The following PKIG variants were observed in gnomAD, a reference collection of about 807,000 sequenced individuals.
PKIG encodes the protein protein kinase (cAMP-dependent, catalytic) inhibitor gamma.
PKIG carries 1 observed loss-of-function variant against 6.8 expected under a neutral mutation model. The ratio of observed to expected loss-of-function variants is 0.15; its 90% CI spans 0.05 to 0.69. PKIG has a LOEUF of 0.69. Among genes scored for constraint, PKIG ranks in the 30% least tolerant of loss-of-function variants. The pLI is 0.82. For synonymous variants in PKIG, 39 were observed against 43.0 expected (o/e 0.91, Z 0.36); for missense variants, 77 against 104.0 (o/e 0.74, Z 1.13).
Position 44,618,556 on chromosome 20 carries a change from A to G in PKIG, c.*192A>G. ...CCCTCTGCCCACACCCACAGGCTTC[A>G]CATTCCCACCACCTTCGCACCGTGC... is the stretch of plus-strand genomic sequence containing the variant. On this transcript the variant is annotated 3_prime_UTR_variant, in exon 4 of 4. Coordinates refer to ENST00000372886, the MANE Select transcript of PKIG (RefSeq NM_001281445.2). 1.8e-6 allele frequency: 1 copy of G among 558,216 alleles called. No homozygotes were observed. The highest frequency in any genetic ancestry group is 3.2e-6 in the Non-Finnish European group (1 of 309,446). The allele number at this position is 558,216 out of a possible 1,614,324, so 34.6% of individuals were successfully genotyped here.
intron 2 of PKIG, among the ~76,000 whole-genome samples, chr20:44,594,370 T>G (rs2065058385): frequency 6.6e-6 from 1 of 152,226 alleles, no homozygotes; most frequent in African/African-American, 2.4e-5. Context: ...TCAGGAATTT[T>G]GCCTCACAGA....
chr20:44,578,328 CAAA>C (rs3092061), upstream of PKIG, among the ~76,000 whole-genome samples: 4 of 87,248 alleles, frequency 4.6e-5, no homozygotes, highest in Non-Finnish European at 4.8e-5. Context: ...GACTCCATCT[CAAA>C]AAAAAAAAAA....
upstream of PKIG, chr20:44,582,543 A>T (rs1006682650): frequency 6.6e-6 from 1 of 152,382 alleles, no homozygotes. Context: ...GGCCCGAGAC[A>T]TGGGAAACAC....
At chr20:44,551,489 T>C (rs551733349) in intron 1 of PKIG, among the ~76,000 whole-genome samples, 1 of 152,314 alleles carries the variant, frequency 6.6e-6, no homozygotes, top group South Asian at 2.1e-4. Context: ...TACATGAGTA[T>C]CTTGATATTT....
At chr20:44,609,456 C>G (rs1470390170) in intron 2 of PKIG, among the ~76,000 whole-genome samples, 1 of 152,204 alleles carries the variant, frequency 6.6e-6, no homozygotes, top group Non-Finnish European at 1.5e-5. Flanking sequence ...TTCTCAACAG[C>G]CCCAAGAAGG....
In PKIG at chr20:44,561,675, A is replaced by T. The variant is rs534705658; in HGVS notation, c.-240-20910A>T. On this transcript the variant is annotated intron_variant, in intron 1 of 4. Coordinates refer to the PKIG transcript ENST00000372887. The stretch of plus-strand genomic sequence containing the variant: ...AGGCTGAAGTGCAGTGGCTATTCCC[A>T]GGTGAGATCATGGCACACTGTGGCC... Among the ~76,000 whole-genome samples the T allele has an allele frequency of 4.6e-5, 7 of 152,264 alleles. No homozygotes were observed. In the East Asian group the frequency reaches 1.3e-3, roughly 29 times the overall value.
intron 1 of PKIG, among the ~76,000 whole-genome samples, chr20:44,544,516 C>T (rs1258898826): frequency 1.3e-5 from 2 of 152,308 alleles, no homozygotes; most frequent in Middle Eastern, 6.8e-3. Flanking sequence ...TTTCACCATG[C>T]TTATCACACA....
At chr20:44,552,880 C>T (rs182218788) in intron 1 of PKIG, among the ~76,000 whole-genome samples, 4 of 152,084 alleles carry the variant, frequency 2.6e-5, no homozygotes, top group Admixed American at 2.0e-4. Context: ...GGGGCTTCTC[C>T]GAGAAGCAGG....
chr20:44,551,673 C>T (rs2064669923), intron 1 of PKIG, among the ~76,000 whole-genome samples: 1 of 152,182 alleles, frequency 6.6e-6, no homozygotes, highest in African/African-American at 2.4e-5. Context: ...AGAAAGTCCT[C>T]TAGCCAGCTG....
intron 2 of PKIG, among the ~76,000 whole-genome samples, chr20:44,610,802 T>C (rs1178805079): frequency 6.6e-6 from 1 of 152,188 alleles, no homozygotes; most frequent in Non-Finnish European, 1.5e-5. Context: ...GCAACCTCTG[T>C]TTTTCAGTTG....
At chr20:44,571,360 GGTT>G (rs2064852789) in intron 1 of PKIG, among the ~76,000 whole-genome samples, 1 of 151,952 alleles carries the variant, frequency 6.6e-6, no homozygotes, top group African/African-American at 2.4e-5. Context: ...AAAAAAGTGG[GGTT>G]GTTCAAAGAT....
intron 2 of PKIG, among the ~76,000 whole-genome samples, chr20:44,594,843 T>C (rs1329103179): frequency 3.9e-5 from 6 of 152,204 alleles, no homozygotes; most frequent in Admixed American, 3.3e-4. Flanking sequence ...TTCACTGTTG[T>C]CATAGCAAGG....
chr20:44,555,309 T>C (rs966916723), intron 1 of PKIG, among the ~76,000 whole-genome samples: 3 of 152,254 alleles, frequency 2.0e-5, no homozygotes, highest in Non-Finnish European at 4.4e-5. Flanking sequence ...TAAGGAATAG[T>C]GCTTAACAGT....
intron 1 of PKIG, among the ~76,000 whole-genome samples, chr20:44,573,288 T>C (rs1040356054): frequency 6.6e-6 from 1 of 152,238 alleles, no homozygotes; most frequent in Non-Finnish European, 1.5e-5. Context: ...CTCTCTCTCT[T>C]TAAAATTCCT....
At chr20:44,532,678 G>A (rs1250030307) in intron 1 of PKIG, among the ~76,000 whole-genome samples, 1 of 152,172 alleles carries the variant, frequency 6.6e-6, no homozygotes, top group Non-Finnish European at 1.5e-5. Context: ...AGTTAACCTG[G>A]ATTTCTGGAG....
chr20:44,562,548 G>T (rs2123250009), intron 1 of PKIG, among the ~76,000 whole-genome samples: 1 of 142,240 alleles, frequency 7.0e-6, no homozygotes, highest in East Asian at 2.1e-4. Flanking sequence ...GCTGCAGTGA[G>T]CCTAGATCGT....
chr20:44,536,381 GA>G (rs2064512367), intron 1 of PKIG, among the ~76,000 whole-genome samples: 2 of 151,702 alleles, frequency 1.3e-5, no homozygotes, highest in Non-Finnish European at 2.9e-5. Flanking sequence ...TTCATAATCA[GA>G]AAAAAAATGA....
At chr20:44,571,098 G>T (rs780112525) in intron 1 of PKIG, among the ~76,000 whole-genome samples, 1 of 152,096 alleles carries the variant, frequency 6.6e-6, no homozygotes, top group Non-Finnish European at 1.5e-5. Flanking sequence ...ACCGGATGTG[G>T]TGGTGCAGGC....
At chr20:44,577,338 T>C (rs1426685237) in intron 1 of PKIG, among the ~76,000 whole-genome samples, 1 of 152,050 alleles carries the variant, frequency 6.6e-6, no homozygotes, top group Admixed American at 6.6e-5. Flanking sequence ...TTCACCATGT[T>C]GGCCAGGCTG....
Sources: allele counts gnomAD v4.1 joint callset (sites outside exome capture counted in the v4.1 genomes callset), GRCh38; gene constraint gnomAD v4.1.1; transcripts MANE v1.5; gene names NCBI Gene and HGNC (gene_info 2026-07-23, HGNC 2026-07-21).